The following CUL9 variants were observed in gnomAD, a reference collection of about 807,000 sequenced individuals.
CUL9 encodes the protein cullin 9.
CUL9 carries 79 observed loss-of-function variants against 272.6 expected under a neutral mutation model. The ratio of observed to expected loss-of-function variants is 0.29; its 90% confidence interval spans 0.24 to 0.35. The LOEUF (loss-of-function observed/expected upper bound fraction) is 0.35. Ranked by LOEUF, CUL9 falls within the 10% of genes least tolerant of loss-of-function variation. The pLI is 1.00. For missense variants in CUL9, 2,532 were observed against 3,255.6 expected (o/e 0.78, Z 5.41); for synonymous variants, 1,186 against 1,286.5 (o/e 0.92, Z 1.67).
rs111962935 is a variant in CUL9, at chr6:43,185,498, G to A, written c.638G>A (p.Gly213Asp). 289 of 1,613,788 alleles carry A rather than the reference G, an allele frequency of 1.8e-4. 2 individuals carry two copies. Among genetic ancestry groups the A allele is most frequent in the Non-Finnish European group, 2.4e-4 (285 of 1,180,034 alleles). ...HVLLSLSQQD[G>D]IEQHMDFDSR... ...CTTCTATCACTGAGCCAGCAAGATG[G>A]CATCGAGCAGCACATGGATTTTGAC... is the stretch of plus-strand genomic sequence containing the variant. Residue 213 changes from glycine (G) to aspartate (D), a missense_variant, in exon 3 of 41, where the codon GGC becomes GAC. This residue lies in a region of CUL9 where 2,218 missense variants were observed against 2,788.6 expected (regional missense o/e 0.80). Coordinates refer to ENST00000252050, the MANE Select transcript of CUL9 (RefSeq NM_015089.4).
chr6:43,215,034 C>T, intron 29 of CUL9, 45 bp from the exon 30 acceptor site: 1 of 1,544,540 alleles, frequency 6.5e-7, no homozygotes, highest in Non-Finnish European at 8.7e-7. Context: ...CAGCAGCCTG[C>T]TCCCTACATA....
At chr6:43,202,996 C>T in intron 17 of CUL9, 113 bp from the exon 18 acceptor site, 1 of 1,291,056 alleles carries the variant, frequency 7.7e-7, no homozygotes, top group Non-Finnish European at 1.1e-6. Flanking sequence ...TCCCTAGGCT[C>T]TGCGGGAGAA....
At chr6:43,188,314 T>G in intron 7 of CUL9, 196 bp downstream of exon 7, 1 of 797,692 alleles carries the variant, frequency 1.3e-6, no homozygotes, top group Non-Finnish European at 1.9e-6. Flanking sequence ...TCCTTCAGTA[T>G]CTCTGGAAAA....
intron 31 of CUL9, among the ~76,000 whole-genome samples, chr6:43,217,099 T>C (rs1488891429): frequency 6.6e-6 from 1 of 152,162 alleles, no homozygotes; most frequent in Admixed American, 6.5e-5. Flanking sequence ...TGCATGCCTA[T>C]AATCCCAGCA....
At chr6:43,214,985 A>G (rs552371462) in intron 29 of CUL9, 94 bp from the exon 30 acceptor site, 404 of 1,410,314 alleles carry the variant, frequency 2.9e-4, no homozygotes, top group East Asian at 9.7e-4. Context: ...TTAAAAAAAA[A>G]GGGGGGGAAA....
Position 43,205,030 on chromosome 6 carries a change from T to A in CUL9, c.4547T>A (p.Phe1516Tyr). 1.2e-6 allele frequency: 2 copies of A among 1,613,090 alleles called. No individual in the cohort carries two copies. Among genetic ancestry groups the A allele is most frequent in the Non-Finnish European group, 1.7e-6 (2 of 1,179,634 alleles). The part of the protein sequence containing the change: ...EHLQRAGSEL[F>Y]GPRAAFMLAL... ...TTGCAGAGAGCAGGCTCCGAGCTGT[T>A]TGGGCCTCGGGCAGCCTTCATGCTG... Residue 1516 changes from phenylalanine (F) to tyrosine (Y), a missense_variant, in exon 23 of 41, where the codon TTT becomes TAT. Around this residue, in one of 3 missense-constraint regions of CUL9, gnomAD observed 2,218 missense variants for 2,788.6 expected, o/e 0.80. Transcript: ENST00000252050.
In CUL9 at chr6:43,213,330, C is replaced by T; in HGVS notation, c.5358+36C>T. 1.2e-6 allele frequency: 2 copies of T among 1,612,414 alleles called. No individual in the cohort carries two copies. The highest frequency in any genetic ancestry group is 1.7e-5 in the Admixed American group (1 of 59,986). The stretch of plus-strand genomic sequence containing the variant: ...CCTTAGCCTCTCTCTGCCTTCTCTG[C>T]TACCTTATCTGTCGCTGTTCTCCTC... On this transcript the variant is annotated intron_variant, in intron 27 of 40. Transcript: ENST00000252050. The surrounding 1 kb of genome is among the most constrained non-coding windows in gnomAD (Gnocchi z 5.7).
At chr6:43,196,568 G>A (rs773721681) in intron 10 of CUL9, 77 bp from the exon 11 acceptor site, 1 of 1,313,344 alleles carries the variant, frequency 7.6e-7, no homozygotes, top group Non-Finnish European at 1.1e-6. Flanking sequence ...TAGCTGCCCG[G>A]CCTTCTATGC....
intron 3 of CUL9, 56 bp from the exon 4 acceptor site, chr6:43,185,899 G>T (rs200443373): frequency 6.5e-7 from 1 of 1,534,348 alleles, no homozygotes; most frequent in Non-Finnish European, 8.8e-7. Flanking sequence ...CTTCAGGGAA[G>T]GGGAGAGGCT....
chr6:43,187,069 G>C lies in CUL9; in HGVS notation c.1361G>C (p.Gly454Ala), dbSNP rs1321485732. ...EDKASAAVEK[G>A]AGATVLGTAF... ...AAGGCTTCAGCAGCTGTGGAGAAGGGGGCAGGGGCTACTGTGTTGGGCACA... is the reference window on the plus strand; with the variant it reads ...AAGGCTTCAGCAGCTGTGGAGAAGGCGGCAGGGGCTACTGTGTTGGGCACA... The change falls in exon 5 of 41, where the codon GGG (glycine) becomes GCG (alanine). Residue 454 changes from glycine to alanine, a missense_variant. Around this residue, in one of 3 missense-constraint regions of CUL9, gnomAD observed 2,218 missense variants for 2,788.6 expected, o/e 0.80. Transcript: ENST00000252050. The C allele has an allele frequency of 6.2e-7, 1 of 1,614,064 alleles. No homozygotes were observed. The highest frequency in any genetic ancestry group is 2.2e-5 in the East Asian group (1 of 44,876).
rs1776488216 is a variant in CUL9 at position 43,222,877 on chromosome 6, T to C, written c.7131T>C (p.Asn2377=). The C allele has an allele frequency of 6.2e-7, 1 of 1,613,728 alleles. No individual in the cohort carries two copies. The highest frequency in any genetic ancestry group is 8.5e-7 in the Non-Finnish European group (1 of 1,179,822). The change falls in exon 38 of 41, where the codon AAT becomes AAC. Residue 2377 remains asparagine (N), a synonymous_variant. Coordinates refer to ENST00000252050, the MANE Select transcript of CUL9 (RefSeq NM_015089.4). ...QQTENLELHT[N]ALQILLEETL... ...CAGAGAACCTGGAGCTGCACACCAA[T>C]GCCCTGCAGATCCTCCTGGGTGAGC... is the stretch of plus-strand genomic sequence containing the variant.
At chr6:43,222,213 GGGGA>G in intron 35 of CUL9, 99 bp from the exon 36 acceptor site, 3 of 838,990 alleles carry the variant, frequency 3.6e-6, no homozygotes, top group Non-Finnish European at 6.1e-6. Flanking sequence ...AAGATAATCG[GGGGA>G]GGTGTAGAAA....
rs752039627 is a variant in CUL9, at chr6:43,213,681, T to G, written c.5489-32T>G. 3 of 1,609,084 alleles carry G rather than the reference T, an allele frequency of 1.9e-6. No individual in the cohort carries two copies. Among genetic ancestry groups the G allele is most frequent in the Non-Finnish European group, 2.5e-6 (3 of 1,177,292 alleles). Reference sequence around the variant, plus strand: ...GTCCCCATTCATCTGTCCCTCTGCCTCCTCTGGTACCTGACCGGGAGCGGG... The same window carrying G: ...GTCCCCATTCATCTGTCCCTCTGCCGCCTCTGGTACCTGACCGGGAGCGGG... On this transcript the variant is annotated intron_variant, in intron 28 of 40. Transcript: ENST00000252050. The surrounding 1 kb of genome is among the most constrained non-coding windows in gnomAD (Gnocchi z 5.7).
In CUL9 at chr6:43,216,448, C is replaced by G; in HGVS notation, c.6227C>G (p.Pro2076Arg). ...GACCACTGCCCCGTCTGTGTGAGCC[C>G]CCTGGGGTGTGACGACGACCTGCCC... is the stretch of plus-strand genomic sequence containing the variant. ...RPDHCPVCVS[P>R]LGCDDDLPSL... Residue 2076 changes from proline (P) to arginine (R), a missense_variant, in exon 31 of 41, where the codon CCC (proline) becomes CGC (arginine). Coordinates refer to ENST00000252050, the MANE Select transcript of CUL9 (RefSeq NM_015089.4). The G allele has an allele frequency of 6.2e-7, 1 of 1,606,894 alleles. No individual in the cohort carries two copies. Among genetic ancestry groups the G allele is most frequent in the Non-Finnish European group, 8.5e-7 (1 of 1,174,132 alleles).
chr6:43,200,555 C>T lies in CUL9; in HGVS notation c.3475+29C>T, dbSNP rs1264364904. 1 of 1,614,026 alleles carries T rather than the reference C, an allele frequency of 6.2e-7. No homozygotes were observed. Among genetic ancestry groups the T allele is most frequent in the African/African-American group, 1.3e-5 (1 of 74,924 alleles). On this transcript the variant is annotated intron_variant, in intron 15 of 40. Transcript: ENST00000252050. This position sits in a 1 kb window ranked among gnomAD's most constrained non-coding sequence, Gnocchi z 4.0. ...AGTGCCCTCATCTGCTTTCTCCTGG[C>T]TCCCATCCAGTGTCTGTTCTCCCCT...
rs1482664501 is a variant in CUL9, at chr6:43,200,904, A to G, written c.3647+70A>G. ...TTCCCCAAAGCACCCAGATACACAC[A>G]ACCCCAGCTATAACCCCAATGCCTG... On this transcript the variant is annotated intron_variant, in intron 16 of 40. Coordinates refer to ENST00000252050, the MANE Select transcript of CUL9 (RefSeq NM_015089.4). This position sits in a 1 kb window ranked among gnomAD's most constrained non-coding sequence, Gnocchi z 4.0. 1.9e-6 allele frequency: 3 copies of G among 1,585,504 alleles called. No homozygotes were observed. The African/African-American group carries it at 4.0e-5, about 21-fold the overall frequency.
chr6:43,197,633 A>ATG (rs1774127520), intron 11 of CUL9, among the ~76,000 whole-genome samples: 1 of 149,998 alleles, frequency 6.7e-6, no homozygotes, highest in Admixed American at 6.6e-5. Context: ...ACAGGTGCGC[A>ATG]CCACCACACC....
rs1312038850 is a variant in CUL9 at position 43,188,946 on chromosome 6, C to T, written c.2180+231C>T. On this transcript the variant is annotated intron_variant, in intron 8 of 40. Coordinates refer to ENST00000252050, the MANE Select transcript of CUL9 (RefSeq NM_015089.4). ...TTTACATGCATTCTCTCATTAAATC[C>T]ACCTAACACCTGAGGAAGCGTTGGT... The T allele has an allele frequency of 7.2e-6, 3 of 417,610 alleles. No homozygotes were observed. The East Asian group carries it at 1.1e-4, about 16-fold the overall frequency. The allele number at this position is 417,610 out of a possible 1,614,324, so 25.9% of individuals were successfully genotyped here.
At position 43,205,324 on chromosome 6, in the gene CUL9, C is replaced by T; in HGVS notation, c.4694C>T (p.Ala1565Val). 12 of 1,614,170 alleles carry T rather than the reference C, an allele frequency of 7.4e-6. No homozygotes were observed. The highest frequency in any genetic ancestry group is 9.3e-6 in the Non-Finnish European group (11 of 1,180,036). Reference protein sequence around the residue: ...QQIQGGLIGGAPGVEMLGQLQ... With the variant: ...QQIQGGLIGGVPGVEMLGQLQ... ...ATCCAGGGTGGCCTGATTGGTGGAG[C>T]CCCTGGAGTGGAAATGCTGGGGCAG... The change falls in exon 24 of 41, where the codon GCC (alanine) becomes GTC (valine). Residue 1565 changes from alanine (A) to valine (V), a missense_variant. Ala to Val is a moderately conservative substitution (Grantham distance 64). This residue lies in a region of CUL9 where 2,218 missense variants were observed against 2,788.6 expected (regional missense o/e 0.80). Coordinates refer to ENST00000252050, the MANE Select transcript of CUL9 (RefSeq NM_015089.4).
Sources: gnomAD v4.1 joint callset for allele counts (sites outside exome capture counted in the v4.1 genomes callset) on GRCh38, gnomAD v4.1.1 for gene constraint, gnomAD v4.1.1 regional missense constraint, Gnocchi (gnomAD v3.1) non-coding constraint, MANE v1.5 for transcripts, NCBI Gene and HGNC (gene_info 2026-07-23, HGNC 2026-07-21) for gene names.